The following DRC8 variants were observed in gnomAD, a reference collection of about 807,000 sequenced individuals.
DRC8 encodes the protein dynein regulatory complex subunit 8, also known as dynein regulatory complex protein 8.
chr1:244,997,305 A>G, the DRC8 span, among the ~76,000 whole-genome samples: 2 of 95,252 alleles, frequency 2.1e-5, no homozygotes, highest in African/African-American at 6.5e-5. Context: ...TTCTTTACAA[A>G]TACTCTTTTT....
At chr1:245,104,378 C>T in the DRC8 span, among the ~76,000 whole-genome samples, 2 of 152,072 alleles carry the variant, frequency 1.3e-5, no homozygotes, top group Non-Finnish European at 2.9e-5. Flanking sequence ...GTGGCGCATG[C>T]CTGTAATCCC....
the DRC8 span, among the ~76,000 whole-genome samples, chr1:245,036,157 C>T: frequency 6.6e-6 from 1 of 152,040 alleles, no homozygotes; most frequent in African/African-American, 2.4e-5. Context: ...GGGTCTAGTA[C>T]CTGTAATATA....
the DRC8 span, among the ~76,000 whole-genome samples, chr1:245,007,817 C>T: frequency 6.6e-6 from 1 of 152,096 alleles, no homozygotes; most frequent in South Asian, 2.1e-4. Context: ...CTGAAAGGGA[C>T]TTCAAGATGG....
the DRC8 span, among the ~76,000 whole-genome samples, chr1:244,984,191 AC>A: frequency 2.0e-5 from 3 of 152,080 alleles, no homozygotes; most frequent in Non-Finnish European, 4.4e-5. Context: ...ACAGAGGATA[AC>A]CCAATTTCCC....
At chr1:245,040,589 G>A in the DRC8 span, among the ~76,000 whole-genome samples, 2 of 152,122 alleles carry the variant, frequency 1.3e-5, no homozygotes, top group Non-Finnish European at 2.9e-5. Context: ...TAAATGAGTG[G>A]ATATATATGA....
the DRC8 span, among the ~76,000 whole-genome samples, chr1:245,089,724 G>A: frequency 6.6e-6 from 1 of 152,296 alleles, no homozygotes; most frequent in African/African-American, 2.4e-5. The surrounding 1 kb of genome is among the most constrained non-coding windows in gnomAD (Gnocchi z 4.8). Flanking sequence ...TTATTCGGCA[G>A]TGAAGAGGAG....
At chr1:245,030,094 T>C in the DRC8 span, among the ~76,000 whole-genome samples, 2 of 152,210 alleles carry the variant, frequency 1.3e-5, no homozygotes, top group Non-Finnish European at 2.9e-5. Context: ...AAATCTAATA[T>C]TAGATTCACT....
chr1:245,011,665 G>A, the DRC8 span, among the ~76,000 whole-genome samples: 4 of 152,216 alleles, frequency 2.6e-5, no homozygotes, highest in African/African-American at 9.6e-5. Flanking sequence ...GGATTCCTGA[G>A]TTAGGGTAGT....
chr1:245,089,239 G>C, the DRC8 span, among the ~76,000 whole-genome samples: 1 of 152,066 alleles, frequency 6.6e-6, no homozygotes, highest in African/African-American at 2.4e-5. This position sits in a 1 kb window ranked among gnomAD's most constrained non-coding sequence, Gnocchi z 4.8. Context: ...GAGGTTGGGT[G>C]CAGACACCTT....
chr1:245,063,276 GTCCT>G, the DRC8 span, among the ~76,000 whole-genome samples: 2 of 152,032 alleles, frequency 1.3e-5, no homozygotes, highest in Non-Finnish European at 2.9e-5. Context: ...ATCTCCTAGG[GTCCT>G]TGCCAGAGTG....
chr1:245,000,596 C>T, the DRC8 span, among the ~76,000 whole-genome samples: 3 of 152,090 alleles, frequency 2.0e-5, no homozygotes, highest in African/African-American at 2.4e-5. Context: ...CCAGCTAACA[C>T]GGTGAAACCC....
the DRC8 span, among the ~76,000 whole-genome samples, chr1:245,102,438 C>T: frequency 6.6e-6 from 1 of 152,106 alleles, no homozygotes; most frequent in African/African-American, 2.4e-5. Flanking sequence ...CAGCCTCCAC[C>T]TCCTAGGTTC....
At chr1:245,097,207 A>T in the DRC8 span, among the ~76,000 whole-genome samples, 33 of 152,134 alleles carry the variant, frequency 2.2e-4, no homozygotes, top group Admixed American at 8.5e-4. The surrounding 1 kb of genome is among the most constrained non-coding windows in gnomAD (Gnocchi z 5.0). Flanking sequence ...TTAATTAGTG[A>T]TATTCTATGC....
chr1:245,091,347 A>G, the DRC8 span: 1 of 152,390 alleles, frequency 6.6e-6, no homozygotes, highest in Non-Finnish European at 1.5e-5. Flanking sequence ...GCTAGCGCCC[A>G]GTGCGTCGAC....
At chr1:245,106,937 G>C in the DRC8 span, among the ~76,000 whole-genome samples, 1 of 152,128 alleles carries the variant, frequency 6.6e-6, no homozygotes, top group Non-Finnish European at 1.5e-5. Flanking sequence ...CCAGCCACTC[G>C]GGAGGCTGAG....
chr1:245,013,376 A>G, the DRC8 span, among the ~76,000 whole-genome samples: 1 of 152,220 alleles, frequency 6.6e-6, no homozygotes. Context: ...TAAAAACCAA[A>G]CATCAGCTTT....
chr1:244,972,221 A>G, the DRC8 span, among the ~76,000 whole-genome samples: 1 of 152,220 alleles, frequency 6.6e-6, no homozygotes, highest in Non-Finnish European at 1.5e-5. Flanking sequence ...GCTGGATGCC[A>G]TTCATTCAGA....
At chr1:244,990,482 A>G in the DRC8 span, among the ~76,000 whole-genome samples, 2 of 152,274 alleles carry the variant, frequency 1.3e-5, no homozygotes, top group East Asian at 3.9e-4. Flanking sequence ...GCACTTGATC[A>G]TTCATTCCTG....
the DRC8 span, among the ~76,000 whole-genome samples, chr1:245,036,803 G>C: frequency 1.3e-5 from 2 of 152,178 alleles, no homozygotes; most frequent in Admixed American, 6.5e-5. Context: ...TAGACACACA[G>C]ATCAGTGGTT....
Sources: allele counts gnomAD v4.1 joint callset (sites outside exome capture counted in the v4.1 genomes callset), GRCh38; gene constraint gnomAD v4.1.1; non-coding constraint Gnocchi (gnomAD v3.1); transcripts MANE v1.5; gene names NCBI Gene and HGNC (gene_info 2026-07-23, HGNC 2026-07-21).